Variants in BCOR observed in about 807,000 individuals in gnomAD.
BCOR encodes the protein BCL6 corepressor, also known as BCL-6 corepressor.
Under a neutral mutation model 86.7 loss-of-function variants are expected in BCOR, and 10 were observed. The ratio of observed to expected loss-of-function variants is 0.12; its 90% confidence interval spans 0.07 to 0.20. BCOR has a LOEUF of 0.20. BCOR is among the 10% of genes least tolerant of loss of function. The pLI is 1.00. For missense variants in BCOR, 1,259 were observed against 1,452.1 expected (o/e 0.87, Z 2.16); for synonymous variants, 611 against 609.0 (o/e 1.00, Z -0.05).
In BCOR at chrX:40,074,686, G is replaced by A. The variant is rs1255581478; in HGVS notation, c.660C>T (p.Ala220=). The change falls in exon 4 of 15, where the codon GCC becomes GCT. Residue 220 remains alanine, a synonymous_variant. Transcript: ENST00000378444. ...PNKYSLNMYK[A]LLPQQSYSLA... ...AGCTGTAGGACTGCTGAGGTAGCAA[G>A]GCCTTGTACATGTTCAGTGAATACT... 1 of 1,210,182 alleles carries A rather than the reference G, an allele frequency of 8.3e-7. No individual in the cohort carries two copies. Among genetic ancestry groups the A allele is most frequent in the African/African-American group, 1.8e-5 (1 of 57,142 alleles).
upstream of BCOR, among the ~76,000 whole-genome samples, chrX:40,098,823 C>T (rs913547156): frequency 3.6e-5 from 4 of 112,320 alleles, no homozygotes; most frequent in Admixed American, 9.3e-5. Flanking sequence ...GCCCGAGTTC[C>T]CCGGACGTTT....
intron 1 of BCOR, among the ~76,000 whole-genome samples, chrX:40,108,854 G>A (rs983145192): frequency 8.8e-6 from 1 of 113,173 alleles, no homozygotes; most frequent in Non-Finnish European, 1.9e-5. Context: ...GGCACGCAGG[G>A]GGTTAAAAGC....
chrX:40,057,388 T>C, intron 10 of BCOR, 67 bp from the exon 11 acceptor site: 7 of 1,094,642 alleles, frequency 6.4e-6, no homozygotes, highest in Non-Finnish European at 7.5e-6. Context: ...TGGACCTCTC[T>C]GTAGCTTTCA....
At chrX:40,077,718 G>T in intron 2 of BCOR, 126 bp downstream of exon 2, 1 of 567,680 alleles carries the variant, frequency 1.8e-6, no homozygotes, top group Non-Finnish European at 3.0e-6. Context: ...AATCAAGAGC[G>T]GCCTACTAGG....
chrX:40,072,757 A>G lies in BCOR; in HGVS notation c.2589T>C (p.Ser863=). The part of the protein sequence containing the change: ...IALREELGRI[S]DFHETYTFKQ... Reference sequence around the variant, plus strand: ...TGAAAGTATAAGTTTCGTGGAAGTCACTGATGCGCCCCAACTCCTCTCTCA... The same window carrying G: ...TGAAAGTATAAGTTTCGTGGAAGTCGCTGATGCGCCCCAACTCCTCTCTCA... Residue 863 remains serine, a synonymous_variant, in exon 4 of 15, where the codon AGT becomes AGC. Coordinates refer to ENST00000378444, the MANE Select transcript of BCOR (RefSeq NM_001123385.2). The G allele has an allele frequency of 1.2e-5, 14 of 1,211,679 alleles. No homozygotes were observed. Among genetic ancestry groups the G allele is most frequent in the Non-Finnish European group, 1.5e-5 (13 of 895,533 alleles).
chrX:40,062,160 C>T lies in BCOR; in HGVS notation c.4407G>A (p.Arg1469=), dbSNP rs1174824560. The T allele has an allele frequency of 8.3e-7, 1 of 1,203,480 alleles. No homozygotes were observed. The highest frequency in any genetic ancestry group is 2.2e-5 in the Admixed American group (1 of 45,203). Residue 1469 remains arginine (R), a synonymous_variant, in exon 10 of 15, where the codon CGG becomes CGA. Coordinates refer to ENST00000378444, the MANE Select transcript of BCOR (RefSeq NM_001123385.2). ...ACACCTCATAGCCAAGCCTGGCTGC[C>T]CGCTGCAGAAGGGTCTCGCCAGCGT... is the stretch of plus-strand genomic sequence containing the variant. ...NKNAGETLLQ[R]AARLGYEEVV...
chrX:40,138,286 C>A (rs1937732293), intron 1 of BCOR, among the ~76,000 whole-genome samples: 1 of 111,920 alleles, frequency 8.9e-6, no homozygotes, highest in South Asian at 3.7e-4. Context: ...GCTAGAAACT[C>A]TCCATGAGTG....
chrX:40,154,528 G>A (rs1262503537), intron 1 of BCOR, among the ~76,000 whole-genome samples: 2 of 110,392 alleles, frequency 1.8e-5, no homozygotes, highest in African/African-American at 6.6e-5. Context: ...AGCGAGCGAA[G>A]CCCGAGGTGC....
rs1305574260 is a variant in BCOR, at chrX:40,172,290, G to C, written c.-41+4717C>G. ...CCCGGTCCTCTCCTCTGATCCCCGG[G>C]CCATTGCGAAACACGGAGCGAACAG... is the stretch of plus-strand genomic sequence containing the variant. On this transcript the variant is annotated intron_variant, in intron 1 of 14. Transcript: ENST00000342274. 3.6e-4 allele frequency among the ~76,000 whole-genome samples: 41 copies of C among 112,578 alleles called. No individual in the cohort carries two copies. In the Admixed American group the frequency reaches 3.8e-3, roughly 10 times the overall value.
intron 8 of BCOR, 37 bp from the exon 9 acceptor site, chrX:40,063,108 G>A (rs1416441357): frequency 1.0e-6 from 1 of 961,846 alleles, no homozygotes; most frequent in Non-Finnish European, 1.4e-6. Context: ...GCGGGCGGAT[G>A]GGAGACGGGA....
intron 1 of BCOR, among the ~76,000 whole-genome samples, chrX:40,119,452 C>T (rs1415559587): frequency 4.5e-5 from 5 of 110,595 alleles, no homozygotes. Context: ...GTGGGTGGAT[C>T]GCTTGAGCCC....
intron 1 of BCOR, among the ~76,000 whole-genome samples, chrX:40,087,825 AAAT>A (rs1936426121): frequency 8.9e-6 from 1 of 112,196 alleles, no homozygotes; most frequent in Non-Finnish European, 1.9e-5. Context: ...GCTGTTAATA[AAAT>A]AATAAATACA....
intron 1 of BCOR, among the ~76,000 whole-genome samples, chrX:40,083,661 C>T (rs373445564): frequency 8.5e-4 from 95 of 112,283 alleles, no homozygotes; most frequent in African/African-American, 2.9e-3. Context: ...GATTTTCTCT[C>T]CCACCACACA....
intron 1 of BCOR, among the ~76,000 whole-genome samples, chrX:40,139,518 T>A (rs2147950980): frequency 1.5e-5 from 1 of 65,777 alleles, no homozygotes; most frequent in South Asian, 1.0e-3. Context: ...TTTTTAAGCA[T>A]CAGCCTTAAT....
chrX:40,094,245 TC>T (rs371459951), intron 1 of BCOR, among the ~76,000 whole-genome samples: 14 of 108,309 alleles, frequency 1.3e-4, no homozygotes, highest in African/African-American at 3.0e-4. Flanking sequence ...TCTCCGCGCC[TC>T]CCCCCCCTCC....
At chrX:40,158,145 C>T (rs1023486730) in intron 1 of BCOR, among the ~76,000 whole-genome samples, 2 of 112,362 alleles carry the variant, frequency 1.8e-5, no homozygotes, top group Non-Finnish European at 3.8e-5. Context: ...CCGTCCCGAT[C>T]CCAGCCGGGG....
intron 4 of BCOR, 68 bp downstream of exon 4, chrX:40,072,281 C>A: frequency 1.8e-6 from 2 of 1,098,730 alleles, no homozygotes; most frequent in Non-Finnish European, 1.2e-6. Context: ...CATACTCCCC[C>A]AATCCTGTTT....
intron 1 of BCOR, among the ~76,000 whole-genome samples, chrX:40,147,052 C>G (rs1432206796): frequency 9.0e-6 from 1 of 111,586 alleles, no homozygotes; most frequent in Non-Finnish European, 1.9e-5. Context: ...TGTAGGTCCC[C>G]GCTGGCCCCC....
At chrX:40,056,705 C>T (rs890690066) in intron 11 of BCOR, among the ~76,000 whole-genome samples, 1 of 111,920 alleles carries the variant, frequency 8.9e-6, no homozygotes, top group Admixed American at 9.5e-5. Context: ...GACCAATAAA[C>T]CAGGGTCAAG....
Sources: allele counts gnomAD v4.1 joint callset (sites outside exome capture counted in the v4.1 genomes callset), GRCh38; gene constraint gnomAD v4.1.1; transcripts MANE v1.5; gene names NCBI Gene and HGNC (gene_info 2026-07-23, HGNC 2026-07-21).